Variants in DNAAF5 observed in about 807,000 individuals in gnomAD.
The protein encoded by DNAAF5 is dynein axonemal assembly factor 5.
In DNAAF5, 64 loss-of-function variants were observed where a neutral mutation model predicts 75.8. The ratio of observed to expected loss-of-function variants is 0.84; its 90% CI spans 0.69 to 1.04. DNAAF5 has a LOEUF of 1.04. Ranked by LOEUF, DNAAF5 falls within the 50% of genes least tolerant of loss-of-function variation. The pLI, the probability that DNAAF5 is intolerant of heterozygous loss-of-function variation, is 0.00. For synonymous variants in DNAAF5, 657 were observed against 557.2 expected (o/e 1.18, Z -2.52); for missense variants, 1,269 against 1,178.5 (o/e 1.08, Z -1.12).
At chr7:766,143 C>T (rs1047744677) in intron 8 of DNAAF5, among the ~76,000 whole-genome samples, 23 of 152,326 alleles carry the variant, frequency 1.5e-4, no homozygotes, top group Non-Finnish European at 2.1e-4. Context: ...AACTGCATTT[C>T]CCAATGATGA....
At position 741,507 on chromosome 7, in the gene DNAAF5, T is replaced by C. The variant is rs200682172; in HGVS notation, c.1024+42T>C. 23 of 1,090,698 alleles carry C rather than the reference T, an allele frequency of 2.1e-5. No homozygotes were observed. In the African/African-American group the frequency reaches 3.2e-4, roughly 15 times the overall value. 67.6% of individuals were successfully genotyped at this position (1,090,698 alleles called of 1,614,324 possible). A position where few individuals can be genotyped will look rare whatever the true frequency, so the allele number is the denominator to read the frequency against. ...GAGGGGAGCGCCAGGAGGCGAGCCC[T>C]TGTTGGGTGGGAAAGGGGCTTCTGA... On this transcript the variant is annotated intron_variant, in intron 4 of 12. Coordinates refer to ENST00000297440, the MANE Select transcript of DNAAF5 (RefSeq NM_017802.4).
At chr7:781,226 A>G (rs1367600178) in intron 12 of DNAAF5, among the ~76,000 whole-genome samples, 1 of 151,992 alleles carries the variant, frequency 6.6e-6, no homozygotes, top group Non-Finnish European at 1.5e-5. Flanking sequence ...CTCTATCTCC[A>G]TGAGTTGAAT....
intron 9 of DNAAF5, chr7:772,960 TAAA>T (rs11319485): frequency 1.2e-3 from 166 of 142,206 alleles, no homozygotes; most frequent in African/African-American, 2.3e-3. Flanking sequence ...ACCCCAAAAT[TAAA>T]AAAAAAAAAA....
intron 6 of DNAAF5, among the ~76,000 whole-genome samples, chr7:758,542 C>T (rs868377973): frequency 3.3e-5 from 5 of 152,256 alleles, no homozygotes; most frequent in Admixed American, 3.3e-4. Context: ...GAGCCAGTCA[C>T]AGTGAAAACC....
chr7:768,931 C>T, intron 8 of DNAAF5: 2 of 554,428 alleles, frequency 3.6e-6, no homozygotes, highest in African/African-American at 1.9e-5. Flanking sequence ...CAGGGCGGCA[C>T]TTGGCCCAAG....
intron 4 of DNAAF5, among the ~76,000 whole-genome samples, chr7:744,793 G>T (rs970777482): frequency 2.0e-5 from 3 of 152,100 alleles, no homozygotes; most frequent in Non-Finnish European, 4.4e-5. Flanking sequence ...AATAGAGACA[G>T]GGTTTCGCCA....
At chr7:731,481 C>T (rs955331458) in intron 2 of DNAAF5, among the ~76,000 whole-genome samples, 1 of 152,164 alleles carries the variant, frequency 6.6e-6, no homozygotes, top group Non-Finnish European at 1.5e-5. Context: ...CCTATAAATG[C>T]TATAACTGTA....
intron 2 of DNAAF5, among the ~76,000 whole-genome samples, chr7:737,617 T>C (rs904003213): frequency 2.0e-5 from 3 of 152,232 alleles, no homozygotes; most frequent in African/African-American, 7.2e-5. Context: ...CTGATGTTGA[T>C]GAAATTCCTC....
At chr7:748,528 C>G (rs1299454424) in intron 4 of DNAAF5, among the ~76,000 whole-genome samples, 7 of 152,308 alleles carry the variant, frequency 4.6e-5, no homozygotes, top group Admixed American at 2.0e-4. Context: ...GGTCCCTCAT[C>G]AGACTGTTTT....
chr7:770,668 G>C (rs766004862), intron 9 of DNAAF5, 50 bp downstream of exon 9: 3 of 1,582,236 alleles, frequency 1.9e-6, no homozygotes, highest in Non-Finnish European at 1.7e-6. Context: ...GCCTGGGCCA[G>C]GGGTCCCCAT....
In DNAAF5 at chr7:735,768, T is replaced by A. The variant is rs182247521; in HGVS notation, c.781-5051T>A. Reference sequence around the variant, plus strand: ...TTTTGTTGGTCTTTTGTATTTTTTTTAATTTCAATTTCATTTATTTCTGCT... The same window carrying A: ...TTTTGTTGGTCTTTTGTATTTTTTTAAATTTCAATTTCATTTATTTCTGCT... On this transcript the variant is annotated intron_variant, in intron 2 of 12. Transcript: ENST00000297440. Among the ~76,000 whole-genome samples the A allele has an allele frequency of 4.8e-3, 729 of 152,316 alleles. 4 individuals are homozygous for A. The highest frequency in any genetic ancestry group is 7.7e-3 in the Non-Finnish European group (522 of 68,032).
chr7:727,395 C>T (rs1207890822), intron 1 of DNAAF5, 80 bp downstream of exon 1: 1 of 794,396 alleles, frequency 1.3e-6, no homozygotes, highest in Admixed American at 4.9e-5. Context: ...CTCTCACAAC[C>T]CCCGCGGCTC....
chr7:784,901 G>C (rs1053672136), intron 12 of DNAAF5, among the ~76,000 whole-genome samples: 4 of 152,180 alleles, frequency 2.6e-5, no homozygotes, highest in Non-Finnish European at 5.9e-5. Context: ...TTGAATGCAC[G>C]TTGTGACTGC....
rs1354149674 is a variant in DNAAF5, at chr7:786,275, C to T, written c.*622C>T. The T allele has an allele frequency of 2.0e-5, 3 of 152,382 alleles. No individual in the cohort carries two copies. In the East Asian group the frequency reaches 5.8e-4, roughly 29 times the overall value. 9.4% of individuals were successfully genotyped at this position (152,382 alleles called of 1,614,324 possible). A position where few individuals can be genotyped will look rare whatever the true frequency, so the allele number is the denominator to read the frequency against. ...ATTTCATGAGATCTAATTGTGGTTGCCCCTATAGGTAGCAGGAAAGTAAAG... is the reference window on the plus strand; with the variant it reads ...ATTTCATGAGATCTAATTGTGGTTGTCCCTATAGGTAGCAGGAAAGTAAAG... On this transcript the variant is annotated 3_prime_UTR_variant, in exon 13 of 13. Coordinates refer to ENST00000297440, the MANE Select transcript of DNAAF5 (RefSeq NM_017802.4).
chr7:741,213 C>A, intron 3 of DNAAF5, 134 bp from the exon 4 acceptor site: 1 of 721,990 alleles, frequency 1.4e-6, no homozygotes, highest in Non-Finnish European at 2.3e-6. Flanking sequence ...ATTTCTGGTC[C>A]ACCTTTTCTG....
At chr7:729,147 C>T (rs1223287165) in intron 1 of DNAAF5, among the ~76,000 whole-genome samples, 1 of 152,202 alleles carries the variant, frequency 6.6e-6, no homozygotes, top group Non-Finnish European at 1.5e-5. Context: ...CAGGCGCCTG[C>T]CACCTCTTGT....
chr7:761,651 C>G, intron 6 of DNAAF5, 102 bp from the exon 7 acceptor site: 1 of 1,273,668 alleles, frequency 7.9e-7, no homozygotes, highest in Non-Finnish European at 1.1e-6. Flanking sequence ...GGGTCCCTCC[C>G]AGGATACGTG....
At chr7:731,667 G>A (rs1781588716) in intron 2 of DNAAF5, among the ~76,000 whole-genome samples, 1 of 152,054 alleles carries the variant, frequency 6.6e-6, no homozygotes, top group South Asian at 2.1e-4. Context: ...AAAATGTTAC[G>A]AGATTGTTTT....
Position 727,248 on chromosome 7 carries a change from C to G in DNAAF5, c.528C>G (p.Leu176=), listed in dbSNP as rs1358007541. Reference sequence around the variant, plus strand: ...TGCGCGCGCTGCGCTGCTCCCTGCTCGACCCCTTCGCCGCCGTGCGCCGCG... The same window carrying G: ...TGCGCGCGCTGCGCTGCTCCCTGCTGGACCCCTTCGCCGCCGTGCGCCGCG... ...DALRALRCSL[L]DPFAAVRRES... is the part of the protein sequence containing the mutation. The change falls in exon 1 of 13, where the codon CTC becomes CTG. Residue 176 remains leucine (L), a synonymous_variant. Coordinates refer to ENST00000297440, the MANE Select transcript of DNAAF5 (RefSeq NM_017802.4). 1.6e-5 allele frequency: 21 copies of G among 1,347,690 alleles called. No homozygotes were observed. Among genetic ancestry groups the G allele is most frequent in the Admixed American group, 3.6e-5 (1 of 28,012 alleles). 83.5% of individuals were successfully genotyped at this position (1,347,690 alleles called of 1,614,324 possible).
Sources: allele counts gnomAD v4.1 joint callset (sites outside exome capture counted in the v4.1 genomes callset), GRCh38; gene constraint gnomAD v4.1.1; transcripts MANE v1.5; gene names NCBI Gene and HGNC (gene_info 2026-07-23, HGNC 2026-07-21).